TKTL1: variants seen among roughly 807,000 people sequenced by gnomAD.
TKTL1 encodes the protein transketolase-like protein 1.
A neutral mutation model predicts 39.3 loss-of-function variants in TKTL1; 1 was observed. The ratio of observed to expected loss-of-function variants is 0.03; its 90% CI spans 0.01 to 0.12. The LOEUF (loss-of-function observed/expected upper bound fraction) is 0.12, where lower values mean the gene tolerates loss of function less well. Ranked by LOEUF, TKTL1 falls within the 10% of genes least tolerant of loss-of-function variation. TKTL1 has a pLI of 1.00. For synonymous variants in TKTL1, 262 were observed against 193.8 expected (o/e 1.35, Z -2.92); for missense variants, 575 against 509.6 (o/e 1.13, Z -1.24).
rs149148011 is a variant in TKTL1, at chrX:154,317,196, G to A, written c.1029+1859G>A. 3.9e-3 allele frequency among the ~76,000 whole-genome samples: 440 copies of A among 112,196 alleles called. 7 individuals are homozygous for A. The East Asian group carries it at 0.048, about 12-fold the overall frequency. On this transcript the variant is annotated intron_variant, in intron 7 of 12. Transcript: ENST00000369915. The stretch of plus-strand genomic sequence containing the variant: ...AGCACGCAGCCATGTAGTCTACTCC[G>A]TCCCTGCTGATATGTTCTCACAGTT...
At chrX:154,324,788 T>C (rs1339050711) in intron 9 of TKTL1, among the ~76,000 whole-genome samples, 1 of 112,313 alleles carries the variant, frequency 8.9e-6, no homozygotes, top group Non-Finnish European at 1.9e-5. Context: ...CGTTTCTTGC[T>C]ATATTCGTTT....
chrX:154,325,486 C>T, intron 10 of TKTL1, 64 bp downstream of exon 10: 1 of 925,885 alleles, frequency 1.1e-6, no homozygotes, highest in Non-Finnish European at 1.6e-6. Flanking sequence ...ACTTCTGAAT[C>T]TATCACCAGC....
intron 8 of TKTL1, among the ~76,000 whole-genome samples, chrX:154,321,568 A>C (rs1317614510): frequency 9.3e-6 from 1 of 107,380 alleles, no homozygotes; most frequent in Non-Finnish European, 1.9e-5. Context: ...CAGATGGAGC[A>C]CTCTGCAATG....
intron 12 of TKTL1, among the ~76,000 whole-genome samples, 153 bp downstream of exon 12, chrX:154,328,111 T>C (rs2067507210): frequency 9.0e-6 from 1 of 111,284 alleles, no homozygotes; most frequent in African/African-American, 3.3e-5. Flanking sequence ...GCCATACTCA[T>C]ACACATCTGT....
In TKTL1 at chrX:154,311,033, T is replaced by G; in HGVS notation, c.542+6T>G. ...AGGCGCTGCGAAGCCTTTGGGTAAC[T>G]GTATTCTCTTGTGCTTGATTTCCAT... On this transcript the variant is annotated splice_donor_region_variant and intron_variant, in intron 4 of 12. Transcript: ENST00000369915. The G allele has an allele frequency of 1.7e-6, 2 of 1,211,477 alleles. No individual in the cohort carries two copies. Among genetic ancestry groups the G allele is most frequent in the African/African-American group, 3.5e-5 (2 of 57,918 alleles).
chrX:154,323,387 G>A lies in TKTL1; in HGVS notation c.1317+50G>A, dbSNP rs61545422. Reference sequence around the variant, plus strand: ...CAGACAGAAAATGCTTCTGGACTCTGCTAGTTTCATACTGATGATTGGACT... The same window carrying A: ...CAGACAGAAAATGCTTCTGGACTCTACTAGTTTCATACTGATGATTGGACT... On this transcript the variant is annotated intron_variant, in intron 9 of 12. Coordinates refer to ENST00000369915, the MANE Select transcript of TKTL1 (RefSeq NM_012253.4). 16,595 of 1,177,060 alleles carry A rather than the reference G, an allele frequency of 0.014. 1,451 individuals carry two copies. The African/African-American group carries it at 0.26, about 18-fold the overall frequency.
At chrX:154,304,216 C>G (rs1333103263) in intron 1 of TKTL1, among the ~76,000 whole-genome samples, 4 of 111,039 alleles carry the variant, frequency 3.6e-5, no homozygotes, top group Non-Finnish European at 7.6e-5. Context: ...CAGGAAAGAG[C>G]TTAGTGAATA....
chrX:154,306,635 C>CT (rs1314284080), intron 2 of TKTL1, among the ~76,000 whole-genome samples: 1 of 110,889 alleles, frequency 9.0e-6, no homozygotes, highest in East Asian at 2.8e-4. Flanking sequence ...TTTTTTACAT[C>CT]TTTTTTTGTT....
intron 7 of TKTL1, among the ~76,000 whole-genome samples, chrX:154,315,648 A>G (rs2067393517): frequency 9.0e-6 from 1 of 111,573 alleles, no homozygotes; most frequent in Non-Finnish European, 1.9e-5. Flanking sequence ...GAAGCATCCC[A>G]GGCTCCCTAG....
rs375458002 is a variant in TKTL1, at chrX:154,329,646, C to T, written c.1749C>T (p.Ala583=). Residue 583 remains alanine (A), a synonymous_variant, in exon 13 of 13, where the codon GCC becomes GCT. Coordinates refer to ENST00000369915, the MANE Select transcript of TKTL1 (RefSeq NM_012253.4). ...EELLDMYGIS[A]RHIIVAVKCM... is the part of the protein sequence containing the mutation. Reference sequence around the variant, plus strand: ...TGCTGGATATGTATGGAATTAGTGCCAGACATATCATAGTGGCCGTGAAAT... The same window carrying T: ...TGCTGGATATGTATGGAATTAGTGCTAGACATATCATAGTGGCCGTGAAAT... The T allele has an allele frequency of 8.3e-7, 1 of 1,210,242 alleles. No individual in the cohort carries two copies. The highest frequency in any genetic ancestry group is 1.7e-5 in the African/African-American group (1 of 57,273).
At chrX:154,304,169 C>T (rs1200202594) in intron 1 of TKTL1, among the ~76,000 whole-genome samples, 2 of 110,992 alleles carry the variant, frequency 1.8e-5, no homozygotes, top group Admixed American at 9.6e-5. Context: ...TGTTACTCCT[C>T]TGCTGCCGGG....
chrX:154,303,666 C>A (rs782267144), intron 1 of TKTL1, among the ~76,000 whole-genome samples: 36 of 107,541 alleles, frequency 3.3e-4, no homozygotes, highest in African/African-American at 1.2e-3. Flanking sequence ...AGGGGGACTC[C>A]TGGGCTGCGT....
intron 7 of TKTL1, among the ~76,000 whole-genome samples, chrX:154,317,159 A>G (rs1557169518): frequency 9.0e-6 from 1 of 111,555 alleles, no homozygotes; most frequent in East Asian, 2.8e-4. Flanking sequence ...TCCCCACCTC[A>G]CTGATTGCCT....
intron 7 of TKTL1, among the ~76,000 whole-genome samples, chrX:154,317,780 A>G (rs2148810567): frequency 1.8e-5 from 2 of 111,963 alleles, no homozygotes; most frequent in South Asian, 7.4e-4. Context: ...GTGTCAGGAC[A>G]GGACCCAAGG....
At position 154,320,998 on chromosome X, in the gene TKTL1, C is replaced by T. The variant is rs1557170618; in HGVS notation, c.1186+85C>T. The T allele has an allele frequency of 6.9e-6, 7 of 1,017,181 alleles. No individual in the cohort carries two copies. In the African/African-American group the frequency reaches 9.4e-5, roughly 14 times the overall value. 83.8% of individuals were successfully genotyped at this position (1,017,181 alleles called of 1,213,427 possible). On this transcript the variant is annotated intron_variant, in intron 8 of 12. Transcript: ENST00000369915. Reference sequence around the variant, plus strand: ...ATGTGATTGGTTAAACCACGAATTTCCTTATGGTTCCATGAAGTTTGATTA... The same window carrying T: ...ATGTGATTGGTTAAACCACGAATTTTCTTATGGTTCCATGAAGTTTGATTA...
At chrX:154,327,456 AT>A in intron 10 of TKTL1, 134 bp from the exon 11 acceptor site, 1 of 610,797 alleles carries the variant, frequency 1.6e-6, no homozygotes, top group Non-Finnish European at 2.9e-6. Flanking sequence ...AATGCATCTG[AT>A]TTTTTTAGTA....
rs188311111 is a variant in TKTL1 at position 154,309,248 on chromosome X, A to G, written c.253-97A>G. The G allele has an allele frequency of 3.4e-3, 2,420 of 714,956 alleles. 37 individuals carry two copies. In the African/African-American group the frequency reaches 0.045, roughly 13 times the overall value. The allele number at this position is 714,956 out of a possible 1,213,427, so 58.9% of individuals were successfully genotyped here. A position where few individuals can be genotyped will look rare whatever the true frequency, so the allele number is the denominator to read the frequency against. On this transcript the variant is annotated intron_variant, in intron 2 of 12. Coordinates refer to ENST00000369915, the MANE Select transcript of TKTL1 (RefSeq NM_012253.4). ...GGGGCTGTTCGGATGGGACGCTGCTACAGAGCTGACAGGAGCAGCCTGCAC... is the reference window on the plus strand; with the variant it reads ...GGGGCTGTTCGGATGGGACGCTGCTGCAGAGCTGACAGGAGCAGCCTGCAC...
At chrX:154,321,645 G>A (rs782102039) in intron 8 of TKTL1, among the ~76,000 whole-genome samples, 3 of 108,119 alleles carry the variant, frequency 2.8e-5, no homozygotes, top group East Asian at 2.9e-4. Flanking sequence ...AGTCATTTTC[G>A]TGAATGACAG....
intron 6 of TKTL1, among the ~76,000 whole-genome samples, chrX:154,313,111 G>A (rs908910099): frequency 2.7e-5 from 3 of 111,524 alleles, no homozygotes; most frequent in Non-Finnish European, 5.7e-5. Context: ...CTTTTATTAG[G>A]TCTGATTTTT....
Sources: gnomAD v4.1 joint callset for allele counts (sites outside exome capture counted in the v4.1 genomes callset) on GRCh38, gnomAD v4.1.1 for gene constraint, MANE v1.5 for transcripts, NCBI Gene and HGNC (gene_info 2026-07-23, HGNC 2026-07-21) for gene names.